SMOC2: variants seen among roughly 807,000 people sequenced by gnomAD.
SMOC2 encodes the protein SPARC related modular calcium binding 2, also known as SPARC-related modular calcium-binding protein 2.
Under a neutral mutation model 61.4 loss-of-function variants are expected in SMOC2, and 39 were observed. That is an observed-to-expected ratio of 0.64 (90% CI 0.49 to 0.83). The LOEUF is 0.83. SMOC2 is among the 40% of genes least tolerant of loss of function. SMOC2 has a pLI of 0.00. For missense variants in SMOC2, 556 were observed against 592.9 expected, an observed-to-expected ratio of 0.94 and a Z score of 0.65; for synonymous variants, 247 against 239.9, an observed-to-expected ratio of 1.03 and a Z score of -0.27.
chr6:168,540,654 C>T (rs1783856461), intron 4 of SMOC2, among the ~76,000 whole-genome samples: 1 of 152,094 alleles, frequency 6.6e-6, no homozygotes, highest in South Asian at 2.1e-4. Flanking sequence ...TTCCTGTCAC[C>T]CTCATGTTGT....
rs188559373 is a variant in SMOC2 at position 168,564,990 on chromosome 6, A to G, written c.637+15787A>G. Among the ~76,000 whole-genome samples the G allele has an allele frequency of 7.0e-4, 106 of 152,338 alleles. 1 individual carries two copies. The highest frequency in any genetic ancestry group is 3.4e-3 in the Middle Eastern group (1 of 294). On this transcript the variant is annotated intron_variant, in intron 7 of 12. Transcript: ENST00000356284. ...AGCTGGTAAAAGTAACATCAACAGC[A>G]TCTCTGAATGGGGAAGAATAAAAGG...
intron 9 of SMOC2, among the ~76,000 whole-genome samples, chr6:168,628,142 G>A (rs903035152): frequency 5.3e-5 from 8 of 152,232 alleles, no homozygotes; most frequent in African/African-American, 1.9e-4. Flanking sequence ...CATGGCTCAC[G>A]GATTCTGGGG....
intron 9 of SMOC2, among the ~76,000 whole-genome samples, chr6:168,626,378 C>T (rs946369612): frequency 1.3e-5 from 2 of 152,160 alleles, no homozygotes; most frequent in South Asian, 2.1e-4. Flanking sequence ...ACGATGTGTG[C>T]GAGATTTCTG....
intron 3 of SMOC2, 58 bp from the exon 4 acceptor site, chr6:168,527,570 C>G: frequency 7.8e-7 from 1 of 1,274,110 alleles, no homozygotes; most frequent in Middle Eastern, 2.6e-4. Flanking sequence ...GGCCTCGCAG[C>G]CGTGAGGCGC....
chr6:168,634,663 T>C (rs1464803598), intron 9 of SMOC2, among the ~76,000 whole-genome samples: 2 of 152,248 alleles, frequency 1.3e-5, no homozygotes, highest in African/African-American at 4.8e-5. Flanking sequence ...AGACCAGAAC[T>C]TGGCAGACAT....
In SMOC2 at chr6:168,582,709, C is replaced by T. The variant is rs370707671; in HGVS notation, c.638-16109C>T. On this transcript the variant is annotated intron_variant, in intron 7 of 12. Coordinates refer to ENST00000356284, the MANE Select transcript of SMOC2 (RefSeq NM_001166412.2). ...GCCATGGAGAGACGCAGGCTCCCCC[C>T]ACCTGGGAGGAGTGCGTCACGCGGT... 5.9e-5 allele frequency among the ~76,000 whole-genome samples: 9 copies of T among 152,334 alleles called. 1 individual carries two copies. In the East Asian group the frequency reaches 1.2e-3, roughly 20 times the overall value.
At chr6:168,494,643 T>G (rs1782545912) in intron 1 of SMOC2, among the ~76,000 whole-genome samples, 1 of 152,174 alleles carries the variant, frequency 6.6e-6, no homozygotes, top group East Asian at 1.9e-4. Context: ...TGCCACTGAT[T>G]TCCTGGTAAG....
At chr6:168,509,815 C>A in intron 1 of SMOC2, 100 bp from the exon 2 acceptor site, 1 of 1,229,248 alleles carries the variant, frequency 8.1e-7, no homozygotes, top group Non-Finnish European at 1.1e-6. Context: ...CTCAAGCTTT[C>A]ATTCCCTGAC....
At chr6:168,617,567 T>G (rs7761426) in intron 9 of SMOC2, among the ~76,000 whole-genome samples, 39,192 of 152,144 alleles carry the variant, frequency 0.26, 5,175 homozygotes, top group Non-Finnish European at 0.27. Context: ...CGCACTCACA[T>G]CCGCTTGGAC....
chr6:168,501,293 A>G (rs968831521), intron 1 of SMOC2, among the ~76,000 whole-genome samples: 2 of 152,244 alleles, frequency 1.3e-5, no homozygotes, highest in Non-Finnish European at 2.9e-5. Flanking sequence ...ATCCATTTTC[A>G]TCATTGAAAT....
At chr6:168,600,356 A>G (rs1430689508) in intron 8 of SMOC2, among the ~76,000 whole-genome samples, 4 of 139,678 alleles carry the variant, frequency 2.9e-5, no homozygotes, top group African/African-American at 5.3e-5. Flanking sequence ...GCAGTGAGCC[A>G]AGATCACACC....
chr6:168,665,546 T>C (rs370221068), intron 12 of SMOC2, among the ~76,000 whole-genome samples: 44 of 152,374 alleles, frequency 2.9e-4, no homozygotes, highest in Non-Finnish European at 4.7e-4. Context: ...TAATGTGGAA[T>C]CCAGAGGAGC....
chr6:168,489,535 T>A (rs917003677), intron 1 of SMOC2, among the ~76,000 whole-genome samples: 1 of 150,242 alleles, frequency 6.7e-6, no homozygotes, highest in Non-Finnish European at 1.5e-5. Flanking sequence ...TCACACTGTT[T>A]TAGAATGAAA....
intron 1 of SMOC2, among the ~76,000 whole-genome samples, chr6:168,466,869 C>T (rs528365750): frequency 2.0e-5 from 3 of 152,158 alleles, no homozygotes; most frequent in South Asian, 2.1e-4. Flanking sequence ...CCCGGTGGGG[C>T]GGTAAATCCC....
chr6:168,643,893 C>T (rs906271579), intron 9 of SMOC2, among the ~76,000 whole-genome samples: 6 of 152,174 alleles, frequency 3.9e-5, no homozygotes, highest in African/African-American at 1.2e-4. Context: ...ATGCACACGG[C>T]CCCACGCGTA....
intron 11 of SMOC2, among the ~76,000 whole-genome samples, chr6:168,662,476 TG>T (rs1260406192): frequency 6.6e-6 from 1 of 151,586 alleles, no homozygotes; most frequent in East Asian, 1.9e-4. Context: ...GCCCCAGGGG[TG>T]GGGAGAAGTC....
At chr6:168,622,812 G>A (rs935684375) in intron 9 of SMOC2, among the ~76,000 whole-genome samples, 1 of 152,136 alleles carries the variant, frequency 6.6e-6, no homozygotes, top group Non-Finnish European at 1.5e-5. Flanking sequence ...TTTGTGCCTG[G>A]TGCCTGGCAT....
chr6:168,504,414 C>T (rs1362969157), intron 1 of SMOC2, among the ~76,000 whole-genome samples: 14 of 149,424 alleles, frequency 9.4e-5, no homozygotes, highest in Admixed American at 8.8e-4. Flanking sequence ...AGAAGGGAGA[C>T]AGTGAGAGAT....
Position 168,610,366 on chromosome 6 carries a change from A to T in SMOC2, c.907+2127A>T, listed in dbSNP as rs145359171. On this transcript the variant is annotated intron_variant, in intron 9 of 12. Transcript: ENST00000356284. ...GATGTTTGGGAGTGCACTGTTCATG[A>T]CCACTTAATTATTTTGATTATTTGG... Among the ~76,000 whole-genome samples the T allele has an allele frequency of 5.4e-3, 817 of 152,316 alleles. 13 individuals are homozygous for T. The highest frequency in any genetic ancestry group is 0.018 in the African/African-American group (765 of 41,566).
Sources: gnomAD v4.1 joint callset for allele counts (sites outside exome capture counted in the v4.1 genomes callset) on GRCh38, gnomAD v4.1.1 for gene constraint, MANE v1.5 for transcripts, NCBI Gene and HGNC (gene_info 2026-07-23, HGNC 2026-07-21) for gene names.